Variants in DCAF8L2 observed in about 807,000 individuals in gnomAD.
The protein encoded by DCAF8L2 is DDB1- and CUL4-associated factor 8-like protein 2.
For synonymous variants in DCAF8L2, 200 were observed against 190.9 expected (o/e 1.05, Z -0.39); for missense variants, 430 against 490.7 (o/e 0.88, Z 1.17).
chrX:27,565,048 A>T, the DCAF8L2 span, among the ~76,000 whole-genome samples: 1 of 109,138 alleles, frequency 9.2e-6, no homozygotes, highest in African/African-American at 3.3e-5. Context: ...TATAGTTTTA[A>T]CAATACATTA....
chrX:27,704,560 A>G (rs4539028), intron 3 of DCAF8L2, among the ~76,000 whole-genome samples: 23,049 of 109,392 alleles, frequency 0.21, 3,354 homozygotes, highest in African/African-American at 0.51. Flanking sequence ...ACACTCCTTT[A>G]TGTAAGATAA....
At chrX:27,565,068 T>C in the DCAF8L2 span, among the ~76,000 whole-genome samples, 1 of 109,308 alleles carries the variant, frequency 9.1e-6, no homozygotes, top group Non-Finnish European at 1.9e-5. Flanking sequence ...ATATATTATA[T>C]ATATTCATTC....
intron 1 of DCAF8L2, among the ~76,000 whole-genome samples, chrX:27,605,635 A>G (rs1348319758): frequency 9.0e-6 from 1 of 111,495 alleles, no homozygotes; most frequent in Non-Finnish European, 1.9e-5. Flanking sequence ...CTGCATTAAG[A>G]TGTTTGCCAC....
chrX:27,681,782 G>A (rs1432903846), intron 3 of DCAF8L2, among the ~76,000 whole-genome samples: 1 of 111,594 alleles, frequency 9.0e-6, no homozygotes, highest in Admixed American at 9.6e-5. Flanking sequence ...CTTATTATAA[G>A]TGGTCTAAAC....
chrX:27,495,516 A>G, the DCAF8L2 span, among the ~76,000 whole-genome samples: 3 of 112,111 alleles, frequency 2.7e-5, no homozygotes, highest in African/African-American at 9.7e-5. Flanking sequence ...TCGTCACGAT[A>G]TTGAATTTTC....
the DCAF8L2 span, among the ~76,000 whole-genome samples, chrX:27,576,361 C>T: frequency 2.7e-5 from 3 of 111,637 alleles, no homozygotes; most frequent in Non-Finnish European, 5.7e-5. Context: ...ACCATTTGGA[C>T]CTATCTTCAT....
At chrX:27,519,523 A>G in the DCAF8L2 span, 1 of 805,994 alleles carries the variant, frequency 1.2e-6, no homozygotes, top group East Asian at 3.1e-5. Context: ...AGACTTGGAA[A>G]AGACCAAAGA....
At chrX:27,566,633 CTTAG>C in the DCAF8L2 span, among the ~76,000 whole-genome samples, 2 of 110,806 alleles carry the variant, frequency 1.8e-5, no homozygotes, top group South Asian at 3.8e-4. Flanking sequence ...TCTCTTTTTT[CTTAG>C]TTAGTGTAGC....
chrX:27,719,508 G>T (rs1278046936), intron 4 of DCAF8L2, among the ~76,000 whole-genome samples: 1 of 97,355 alleles, frequency 1.0e-5, no homozygotes, highest in Non-Finnish European at 2.0e-5. Context: ...AGTGCAGTGC[G>T]ATCTTGGCTC....
Position 27,624,955 on chromosome X carries a change from A to G in DCAF8L2, c.-341-6924A>G, listed in dbSNP as rs185632601. Among the ~76,000 whole-genome samples, 452 of 112,182 alleles carry G rather than the reference A, an allele frequency of 4.0e-3. 1 individual carries two copies. Among genetic ancestry groups the G allele is most frequent in the African/African-American group, 0.014 (422 of 30,938 alleles). On this transcript the variant is annotated intron_variant, in intron 1 of 4. Transcript: ENST00000451261. ...ATAGGCCCTGGCAAAGATTTCTGAT[A>G]AAGATGCCAAAAGCAATTGTGACAA...
chrX:27,736,164 C>T (rs1354437588), intron 4 of DCAF8L2, among the ~76,000 whole-genome samples: 2 of 110,740 alleles, frequency 1.8e-5, no homozygotes, highest in African/African-American at 6.6e-5. Context: ...TGAATCAGGG[C>T]CACATGAAGC....
chrX:27,732,420 C>T (rs1293911587), intron 4 of DCAF8L2, among the ~76,000 whole-genome samples: 1 of 110,409 alleles, frequency 9.1e-6, no homozygotes, highest in African/African-American at 3.3e-5. Context: ...TAATGTCCTG[C>T]AGGTTCATCC....
chrX:27,490,258 A>T, the DCAF8L2 span, among the ~76,000 whole-genome samples: 3 of 112,143 alleles, frequency 2.7e-5, no homozygotes, highest in East Asian at 5.6e-4. Context: ...AATTTATAAA[A>T]TTTGGTTGTG....
intron 2 of DCAF8L2, among the ~76,000 whole-genome samples, chrX:27,647,403 TG>T (rs1283124484): frequency 9.0e-6 from 1 of 110,833 alleles, no homozygotes; most frequent in Non-Finnish European, 1.9e-5. Context: ...CACTGGCACT[TG>T]TCGGGGAAGA....
chrX:27,621,464 G>GA (rs778304331), intron 1 of DCAF8L2, among the ~76,000 whole-genome samples: 37 of 110,337 alleles, frequency 3.4e-4, no homozygotes, highest in South Asian at 1.1e-3. Context: ...TAGAAAACAG[G>GA]AAAAAAAATT....
intron 2 of DCAF8L2, among the ~76,000 whole-genome samples, chrX:27,635,386 G>A (rs1928459371): frequency 1.8e-5 from 2 of 111,423 alleles, no homozygotes; most frequent in Admixed American, 1.9e-4. Flanking sequence ...ATTTCATGAT[G>A]ATTTTAAAGT....
At chrX:27,743,244 C>A (rs1399656951) in intron 4 of DCAF8L2, among the ~76,000 whole-genome samples, 3 of 109,992 alleles carry the variant, frequency 2.7e-5, no homozygotes, top group Non-Finnish European at 5.7e-5. Context: ...CATGCTATCA[C>A]ACCTGACTAA....
Position 27,631,467 on chromosome X carries a change from A to G in DCAF8L2, c.-341-412A>G, listed in dbSNP as rs1275469394. ...ATTCTCTATCTGCTCCATCTAATGC[A>G]TAGTCATTAGCCACGTGTGGCTATA... is the stretch of plus-strand genomic sequence containing the variant. On this transcript the variant is annotated intron_variant, in intron 1 of 4. Transcript: ENST00000451261. 2.7e-5 allele frequency among the ~76,000 whole-genome samples: 3 copies of G among 112,788 alleles called. No individual in the cohort carries two copies. In the Admixed American group the frequency reaches 2.8e-4, roughly 11 times the overall value.
chrX:27,738,575 A>T (rs1921667590), intron 4 of DCAF8L2, among the ~76,000 whole-genome samples: 1 of 112,267 alleles, frequency 8.9e-6, no homozygotes, highest in Non-Finnish European at 1.9e-5. Context: ...TAGCAAAAGA[A>T]TTTGGAATTT....
Sources: allele counts gnomAD v4.1 joint callset (sites outside exome capture counted in the v4.1 genomes callset), GRCh38; gene constraint gnomAD v4.1.1; transcripts MANE v1.5; gene names NCBI Gene and HGNC (gene_info 2026-07-23, HGNC 2026-07-21).